EPS15: variants seen among roughly 807,000 people sequenced by gnomAD.
EPS15 encodes the protein epidermal growth factor receptor pathway substrate 15.
A neutral mutation model predicts 113.8 loss-of-function variants in EPS15; 72 were observed. That is an observed-to-expected ratio of 0.63 (90% CI 0.52 to 0.77). The LOEUF is 0.77. EPS15 is among the 30% of genes least tolerant of loss of function. The pLI, the probability that EPS15 is intolerant of heterozygous loss-of-function variation, is 0.00. For synonymous variants in EPS15, 344 were observed against 363.4 expected (o/e 0.95, Z 0.61); for missense variants, 1,048 against 1,045.8 (o/e 1.00, Z -0.03).
At chr1:51,441,801 G>A (rs1314587094) in intron 11 of EPS15, among the ~76,000 whole-genome samples, 2 of 152,070 alleles carry the variant, frequency 1.3e-5, no homozygotes, top group East Asian at 1.9e-4. Context: ...CAGCCAATAC[G>A]TAGTTTAATC....
At chr1:51,467,348 G>A (rs541945694) in intron 5 of EPS15, among the ~76,000 whole-genome samples, 1 of 152,224 alleles carries the variant, frequency 6.6e-6, no homozygotes, top group South Asian at 2.1e-4. Flanking sequence ...ATACATTCCT[G>A]CACATGCAAA....
intron 8 of EPS15, among the ~76,000 whole-genome samples, chr1:51,459,507 TAATAA>T (rs1654273055): frequency 6.6e-6 from 1 of 151,780 alleles, no homozygotes; most frequent in South Asian, 2.1e-4. Context: ...AAAATAAAAA[TAATAA>T]AATAAAATAA....
intron 1 of EPS15, among the ~76,000 whole-genome samples, chr1:51,513,627 A>C (rs1644665149): frequency 6.6e-6 from 1 of 152,128 alleles, no homozygotes; most frequent in African/African-American, 2.4e-5. Flanking sequence ...TTTAACCATG[A>C]ATTTATATTG....
chr1:51,478,612 T>A (rs1175595044), intron 2 of EPS15, among the ~76,000 whole-genome samples: 1 of 151,574 alleles, frequency 6.6e-6, no homozygotes, highest in African/African-American at 2.4e-5. Context: ...CCTTTCCATG[T>A]TTAGTGCTTC....
intron 1 of EPS15, among the ~76,000 whole-genome samples, chr1:51,515,051 T>C (rs1644690838): frequency 6.6e-6 from 1 of 152,226 alleles, no homozygotes; most frequent in South Asian, 2.1e-4. Context: ...GCACTTGTAC[T>C]GCGTACTTGT....
intron 1 of EPS15, among the ~76,000 whole-genome samples, chr1:51,511,445 A>G (rs1644619281): frequency 6.6e-6 from 1 of 152,168 alleles, no homozygotes; most frequent in Non-Finnish European, 1.5e-5. Context: ...CAGTGAGCCA[A>G]GATCACACCA....
chr1:51,488,472 T>TAAAAAAAAAA (rs71063033), intron 1 of EPS15, among the ~76,000 whole-genome samples: 4 of 85,304 alleles, frequency 4.7e-5, no homozygotes, highest in Non-Finnish European at 6.8e-5. Context: ...TAAAGTTTTG[T>TAAAAAAAAAA]AAAAAAAAAA....
intron 1 of EPS15, among the ~76,000 whole-genome samples, chr1:51,487,118 TAAC>T (rs1644138901): frequency 6.6e-6 from 1 of 152,146 alleles, no homozygotes; most frequent in Non-Finnish European, 1.5e-5. Context: ...CTGTAGAAGT[TAAC>T]AACCACAAGT....
At chr1:51,421,964 C>T in intron 12 of EPS15, 106 bp from the exon 13 acceptor site, 1 of 1,482,494 alleles carries the variant, frequency 6.7e-7, no homozygotes, top group Non-Finnish European at 9.1e-7. Flanking sequence ...CATAGTGAAA[C>T]ATTCAATTTT....
At chr1:51,410,083 G>T (rs1470736990) in intron 13 of EPS15, among the ~76,000 whole-genome samples, 1 of 150,848 alleles carries the variant, frequency 6.6e-6, no homozygotes, top group East Asian at 1.9e-4. Flanking sequence ...AAAAAATTTA[G>T]CTGGGCGTGG....
At chr1:51,470,997 C>T (rs1403993060) in intron 4 of EPS15, among the ~76,000 whole-genome samples, 2 of 152,158 alleles carry the variant, frequency 1.3e-5, no homozygotes, top group Non-Finnish European at 2.9e-5. Context: ...TACAATCTAG[C>T]CCCGAAATCT....
intron 10 of EPS15, 145 bp from the exon 11 acceptor site, chr1:51,445,190 C>T (rs2148479965): frequency 1.4e-6 from 1 of 717,416 alleles, no homozygotes; most frequent in Non-Finnish European, 2.3e-6. Context: ...TAAAAACTCA[C>T]TCAACTGTTC....
At chr1:51,451,424 G>A (rs1344558135) in intron 8 of EPS15, among the ~76,000 whole-genome samples, 2 of 145,672 alleles carry the variant, frequency 1.4e-5, no homozygotes, top group African/African-American at 2.6e-5. Context: ...TTGGGAGGTG[G>A]AGACTGCAAT....
intron 2 of EPS15, among the ~76,000 whole-genome samples, chr1:51,476,217 T>A (rs1483298014): frequency 6.6e-6 from 1 of 152,184 alleles, no homozygotes; most frequent in African/African-American, 2.4e-5. Flanking sequence ...AACTTTAAAG[T>A]AGTTTTTTTC....
intron 8 of EPS15, among the ~76,000 whole-genome samples, chr1:51,453,792 G>A (rs905526774): frequency 2.0e-5 from 3 of 151,990 alleles, no homozygotes; most frequent in Non-Finnish European, 4.4e-5. Context: ...ATGCTTTTAG[G>A]CAGTATTTCT....
At chr1:51,462,073 G>C (rs891680064) in intron 7 of EPS15, 3 of 152,206 alleles carry the variant, frequency 2.0e-5, no homozygotes, top group African/African-American at 7.2e-5. Context: ...GGTAATTAAA[G>C]AAAGGGCAGC....
intron 1 of EPS15, among the ~76,000 whole-genome samples, chr1:51,486,598 A>C (rs1188346149): frequency 1.3e-5 from 2 of 152,212 alleles, no homozygotes; most frequent in Admixed American, 6.5e-5. Context: ...AATGAAAAGT[A>C]AAAACAGAGA....
chr1:51,405,888 G>A lies in EPS15; in HGVS notation c.1677+17C>T, dbSNP rs1349099490. 1 of 1,605,280 alleles carries A rather than the reference G, an allele frequency of 6.2e-7. No individual in the cohort carries two copies. The highest frequency in any genetic ancestry group is 1.4e-5 in the African/African-American group (1 of 73,604). ...CAAGGAGGTTGATTATGAAGGTTATGAAAGTATTAGACTCACTGGAGATTC... is the reference window on the plus strand; with the variant it reads ...CAAGGAGGTTGATTATGAAGGTTATAAAAGTATTAGACTCACTGGAGATTC... On this transcript the variant is annotated intron_variant, in intron 16 of 24. Coordinates refer to ENST00000371733, the MANE Select transcript of EPS15 (RefSeq NM_001981.3).
At chr1:51,512,302 G>A (rs985428792) in intron 1 of EPS15, among the ~76,000 whole-genome samples, 14 of 152,196 alleles carry the variant, frequency 9.2e-5, no homozygotes, top group African/African-American at 3.1e-4. Flanking sequence ...GTGCACTTAA[G>A]AGGTTAAGTA....
Sources: allele counts gnomAD v4.1 joint callset (sites outside exome capture counted in the v4.1 genomes callset), GRCh38; gene constraint gnomAD v4.1.1; transcripts MANE v1.5; gene names NCBI Gene and HGNC (gene_info 2026-07-23, HGNC 2026-07-21).